LRRTM4: variants seen among roughly 807,000 people sequenced by gnomAD.
LRRTM4 encodes leucine rich repeat transmembrane neuronal 4.
LRRTM4 carries 25 observed loss-of-function variants against 47.6 expected under a neutral mutation model. The ratio of observed to expected loss-of-function variants is 0.53; its 90% CI spans 0.38 to 0.73. The LOEUF is 0.73. LRRTM4 is among the 30% of genes least tolerant of loss of function. The pLI is 0.00. For synonymous variants in LRRTM4, 311 were observed against 269.5 expected, an observed-to-expected ratio of 1.15 and a Z score of -1.51; for missense variants, 638 against 713.4, an observed-to-expected ratio of 0.89 and a Z score of 1.20.
rs79997639 is a variant in LRRTM4, at chr2:76,901,624, T to C, written c.1552-152708A>G. ...AATTTTTAAAGACTTTTCTGTTTAA[T>C]TGAGATCTAGAGAAAGATATAAAAG... On this transcript the variant is annotated intron_variant, in intron 3 of 3. Coordinates refer to ENST00000409884, the MANE Select transcript of LRRTM4 (RefSeq NM_001134745.3). Among the ~76,000 whole-genome samples the C allele has an allele frequency of 2.9e-3, 442 of 152,252 alleles. 6 individuals carry two copies. The highest frequency in any genetic ancestry group is 7.2e-3 in the African/African-American group (301 of 41,534).
At chr2:76,864,294 G>C (rs1373682343) in intron 3 of LRRTM4, among the ~76,000 whole-genome samples, 3 of 152,144 alleles carry the variant, frequency 2.0e-5, no homozygotes, top group Non-Finnish European at 4.4e-5. Context: ...AAATACCCAG[G>C]AGGTAGAAAT....
intron 3 of LRRTM4, among the ~76,000 whole-genome samples, chr2:77,482,977 C>T (rs1449884224): frequency 7.9e-5 from 12 of 151,320 alleles, no homozygotes; most frequent in Non-Finnish European, 1.0e-4. Context: ...AAAAATTAGC[C>T]GGGCGTGGTG....
At chr2:77,385,960 T>C (rs1047778693) in intron 3 of LRRTM4, among the ~76,000 whole-genome samples, 4 of 151,798 alleles carry the variant, frequency 2.6e-5, no homozygotes, top group Non-Finnish European at 5.9e-5. Flanking sequence ...TTTCACCATG[T>C]TTGCCAGGCT....
chr2:77,222,575 AC>A (rs1674669787), intron 3 of LRRTM4, among the ~76,000 whole-genome samples: 3 of 152,224 alleles, frequency 2.0e-5, no homozygotes, highest in Admixed American at 1.3e-4. Context: ...AATACTCTAA[AC>A]ACCTCTACAG....
intron 3 of LRRTM4, among the ~76,000 whole-genome samples, chr2:76,797,639 C>G (rs1011449809): frequency 2.2e-4 from 33 of 151,260 alleles, no homozygotes; most frequent in African/African-American, 6.3e-4. Context: ...TGTAAATGGA[C>G]TAAATGCTCC....
At chr2:77,170,616 C>G (rs1286233832) in intron 3 of LRRTM4, among the ~76,000 whole-genome samples, 4 of 152,078 alleles carry the variant, frequency 2.6e-5, no homozygotes, top group Admixed American at 1.3e-4. Context: ...AATACATGGT[C>G]ATTTTTCCAA....
intron 3 of LRRTM4, among the ~76,000 whole-genome samples, chr2:76,807,904 TCTTTCTTTTCTTTC>T (rs1197394834): frequency 2.1e-5 from 3 of 143,436 alleles, no homozygotes; most frequent in Non-Finnish European, 3.0e-5. Flanking sequence ...TCTTTACTTT[TCTTTCTTTTCTTTC>T]CTTTCTTTCC....
chr2:76,998,942 A>G (rs1234115198), intron 3 of LRRTM4, among the ~76,000 whole-genome samples: 2 of 152,062 alleles, frequency 1.3e-5, no homozygotes, highest in South Asian at 2.1e-4. Context: ...ACTCAACAGT[A>G]TAAGAACTGT....
chr2:76,853,078 T>C (rs1672045226), intron 3 of LRRTM4, among the ~76,000 whole-genome samples: 1 of 152,168 alleles, frequency 6.6e-6, no homozygotes, highest in Non-Finnish European at 1.5e-5. Context: ...AAAAGTTTTA[T>C]GCTATGCTGA....
intron 3 of LRRTM4, among the ~76,000 whole-genome samples, chr2:77,456,846 C>T (rs1302724160): frequency 6.6e-6 from 1 of 151,080 alleles, no homozygotes; most frequent in East Asian, 1.9e-4. Flanking sequence ...TTTTCTGTAA[C>T]ACCATCCTTC....
intron 3 of LRRTM4, among the ~76,000 whole-genome samples, chr2:77,137,747 A>G (rs542111954): frequency 6.6e-6 from 1 of 152,296 alleles, no homozygotes; most frequent in Admixed American, 6.5e-5. Flanking sequence ...ACGCAGGGAC[A>G]CACATAGGCT....
intron 3 of LRRTM4, among the ~76,000 whole-genome samples, chr2:76,959,694 C>T (rs946006902): frequency 2.6e-5 from 4 of 151,704 alleles, no homozygotes; most frequent in African/African-American, 7.2e-5. Context: ...GCATTGGCTA[C>T]GGAATTTAAA....
chr2:76,973,438 T>C (rs1229212634), intron 3 of LRRTM4, among the ~76,000 whole-genome samples: 2 of 151,940 alleles, frequency 1.3e-5, no homozygotes, highest in Non-Finnish European at 2.9e-5. Flanking sequence ...ATTTAGAAAA[T>C]ATGTGTTATA....
chr2:76,994,680 T>A (rs1028100306), intron 3 of LRRTM4, among the ~76,000 whole-genome samples: 2 of 151,964 alleles, frequency 1.3e-5, no homozygotes, highest in African/African-American at 2.4e-5. Context: ...ATATCAAAAT[T>A]AACAGAATAA....
chr2:76,990,142 A>G (rs1336655695), intron 3 of LRRTM4, among the ~76,000 whole-genome samples: 4 of 151,674 alleles, frequency 2.6e-5, no homozygotes, highest in African/African-American at 9.7e-5. Flanking sequence ...TTGCAGGGAA[A>G]TTGTGAAAAA....
chr2:77,454,403 G>A (rs1243783226), intron 3 of LRRTM4, among the ~76,000 whole-genome samples: 5 of 152,108 alleles, frequency 3.3e-5, no homozygotes, highest in African/African-American at 1.2e-4. Flanking sequence ...GGTTGTTAGT[G>A]ACTTTTCTTT....
chr2:76,962,840 C>T (rs1675904840), intron 3 of LRRTM4, among the ~76,000 whole-genome samples: 1 of 150,574 alleles, frequency 6.6e-6, no homozygotes, highest in South Asian at 2.1e-4. Context: ...TGCACATTTC[C>T]AGAGCATTAA....
intron 3 of LRRTM4, among the ~76,000 whole-genome samples, chr2:76,925,502 T>C (rs1285130483): frequency 6.6e-6 from 1 of 152,182 alleles, no homozygotes; most frequent in African/African-American, 2.4e-5. Context: ...AGTGTTGATG[T>C]AGCCCATTAA....
In LRRTM4 at chr2:77,511,817, T is replaced by C. The variant is rs187428071; in HGVS notation, c.1551+6501A>G. Among the ~76,000 whole-genome samples, 387 of 152,286 alleles carry C rather than the reference T, an allele frequency of 2.5e-3. 3 individuals carry two copies. Among genetic ancestry groups the C allele is most frequent in the African/African-American group, 9.1e-3 (377 of 41,576 alleles). On this transcript the variant is annotated intron_variant, in intron 3 of 3. Coordinates refer to ENST00000409884, the MANE Select transcript of LRRTM4 (RefSeq NM_001134745.3). ...ATTCCCCAAACTTATGTTTACAATA[T>C]TATAATGTATAGATTTGACTTAAGG...
Sources: gnomAD v4.1 joint callset for allele counts (sites outside exome capture counted in the v4.1 genomes callset) on GRCh38, gnomAD v4.1.1 for gene constraint, MANE v1.5 for transcripts, NCBI Gene and HGNC (gene_info 2026-07-23, HGNC 2026-07-21) for gene names.